EPN2: variants seen among roughly 807,000 people sequenced by gnomAD.
EPN2 encodes the protein epsin-2.
A neutral mutation model predicts 61.7 loss-of-function variants in EPN2; 34 were observed. That is an observed-to-expected ratio of 0.55 (90% CI 0.42 to 0.73). The LOEUF is 0.73. Ranked by LOEUF, EPN2 falls within the 30% of genes least tolerant of loss-of-function variation. The pLI is 0.00. For synonymous variants in EPN2, 349 were observed against 353.6 expected (o/e 0.99, Z 0.15); for missense variants, 714 against 839.2 (o/e 0.85, Z 1.84).
chr17:19,311,801 G>A (rs1296840229), intron 5 of EPN2, among the ~76,000 whole-genome samples: 2 of 152,342 alleles, frequency 1.3e-5, no homozygotes, highest in East Asian at 3.9e-4. Context: ...TCCCCAGTTT[G>A]GTGGTACCTG....
chr17:19,314,650 A>T (rs1325809893), intron 7 of EPN2, among the ~76,000 whole-genome samples: 1 of 152,116 alleles, frequency 6.6e-6, no homozygotes, highest in African/African-American at 2.4e-5. Flanking sequence ...AGGGCCTTAT[A>T]CCCCCTTTGG....
intron 4 of EPN2, among the ~76,000 whole-genome samples, chr17:19,288,750 G>A (rs544732361): frequency 6.6e-6 from 1 of 152,170 alleles, no homozygotes; most frequent in Admixed American, 6.5e-5. Context: ...CCATCCAGAC[G>A]GGTCCTTTTG....
intron 4 of EPN2, among the ~76,000 whole-genome samples, chr17:19,289,725 T>TTTTG (rs374906494): frequency 1.4e-4 from 3 of 21,984 alleles, no homozygotes; most frequent in Admixed American, 9.4e-4. Flanking sequence ...GCGCTCATGG[T>TTTTG]TTTTTTTTTT....
intron 4 of EPN2, chr17:19,296,892 A>T (rs1029394688): frequency 2.0e-5 from 3 of 152,286 alleles, no homozygotes; most frequent in Admixed American, 6.5e-5. Flanking sequence ...TACGGGACTG[A>T]GCCATCATGC....
chr17:19,312,823 G>T, intron 6 of EPN2: 1 of 388,908 alleles, frequency 2.6e-6, no homozygotes, highest in South Asian at 3.3e-5. Flanking sequence ...GAGGTCCACA[G>T]CCTGGGCAGA....
In EPN2 at chr17:19,331,831, CAT is replaced by C. The variant is rs1907168964; in HGVS notation, c.1412-19_1412-18del. On this transcript the variant is annotated intron_variant, in intron 9 of 10. Coordinates refer to ENST00000314728, the MANE Select transcript of EPN2 (RefSeq NM_014964.5). ...GCTCTCCCTGCCACACTCACCCTGC[CAT>C]ATGTGTCCTTGTCTTGTAGCCGAAT... 1 of 1,601,300 alleles carries C rather than the reference CAT, an allele frequency of 6.2e-7. No individual in the cohort carries two copies. The highest frequency in any genetic ancestry group is 2.2e-5 in the East Asian group (1 of 44,808).
chr17:19,327,639 T>C (rs1203234143), intron 7 of EPN2, among the ~76,000 whole-genome samples: 1 of 152,156 alleles, frequency 6.6e-6, no homozygotes, highest in Non-Finnish European at 1.5e-5. Context: ...ACCACTGCAC[T>C]CCAGTCTGGG....
At chr17:19,313,982 T>G (rs1906268013) in intron 7 of EPN2, among the ~76,000 whole-genome samples, 1 of 152,320 alleles carries the variant, frequency 6.6e-6, no homozygotes, top group Admixed American at 6.5e-5. Context: ...TAAACCCTAC[T>G]GGGCGTGGCT....
chr17:19,249,873 C>T (rs930743984), intron 1 of EPN2, among the ~76,000 whole-genome samples: 21 of 152,038 alleles, frequency 1.4e-4, no homozygotes, highest in African/African-American at 5.1e-4. Context: ...GGGGGGAACC[C>T]GTTTTCTCTG....
Position 19,278,227 on chromosome 17 carries a change from C to T in EPN2, c.-293-3728C>T, listed in dbSNP as rs139705228. Among the ~76,000 whole-genome samples, 29 of 152,226 alleles carry T rather than the reference C, an allele frequency of 1.9e-4. 1 individual carries two copies. Among genetic ancestry groups the T allele is most frequent in the African/African-American group, 6.5e-4 (27 of 41,546 alleles). On this transcript the variant is annotated intron_variant, in intron 1 of 10. Coordinates refer to ENST00000314728, the MANE Select transcript of EPN2 (RefSeq NM_014964.5). ...CTGAGCTCAAGTGATCTGCCCGCCT[C>T]GGCTTCCCAAAGTGCTGGGATTACA...
chr17:19,275,451 C>T (rs1345761164), intron 1 of EPN2, among the ~76,000 whole-genome samples: 1 of 152,220 alleles, frequency 6.6e-6, no homozygotes, highest in Non-Finnish European at 1.5e-5. Context: ...TGGCTTCTTG[C>T]TTTCTTCTGT....
chr17:19,291,508 G>A (rs2152221446), intron 4 of EPN2, among the ~76,000 whole-genome samples: 1 of 134,516 alleles, frequency 7.4e-6, no homozygotes, highest in Admixed American at 8.8e-5. Context: ...CGCTATCTTG[G>A]CTCACTGCAA....
intron 4 of EPN2, among the ~76,000 whole-genome samples, chr17:19,300,117 A>G (rs1156624643): frequency 6.6e-6 from 1 of 152,192 alleles, no homozygotes; most frequent in Admixed American, 6.5e-5. Context: ...CGTGGTGGGC[A>G]GGTCTATGCA....
chr17:19,324,083 A>T (rs1342573023), intron 7 of EPN2, among the ~76,000 whole-genome samples: 1 of 152,248 alleles, frequency 6.6e-6, no homozygotes, highest in African/African-American at 2.4e-5. Context: ...GCAATTGGAG[A>T]ATACACATTC....
chr17:19,237,519 C>G lies in EPN2; in HGVS notation c.-306C>G, dbSNP rs973449432. ...CCGCAGCGGCGCACCCACGCCGGCC[C>G]GGAGGAGCAGAGGTGAGCCACAGCC... is the stretch of plus-strand genomic sequence containing the variant. On this transcript the variant is annotated 5_prime_UTR_variant, in exon 1 of 11. Transcript: ENST00000314728. 2.3e-4 allele frequency: 35 copies of G among 152,424 alleles called. No individual in the cohort carries two copies. The highest frequency in any genetic ancestry group is 7.9e-4 in the African/African-American group (33 of 41,572). 9.4% of individuals were successfully genotyped at this position (152,424 alleles called of 1,614,324 possible).
At chr17:19,284,603 C>A (rs767114777) in intron 3 of EPN2, among the ~76,000 whole-genome samples, 1 of 152,170 alleles carries the variant, frequency 6.6e-6, no homozygotes, top group Non-Finnish European at 1.5e-5. Context: ...AAGTGCAGAT[C>A]CCTAGTAACA....
At chr17:19,319,682 C>T (rs1468042993) in intron 7 of EPN2, among the ~76,000 whole-genome samples, 1 of 149,736 alleles carries the variant, frequency 6.7e-6, no homozygotes, top group Non-Finnish European at 1.5e-5. Flanking sequence ...AGGTTTCCCT[C>T]TGTTGCCCAG....
chr17:19,241,356 G>A lies in EPN2; in HGVS notation c.-294+3825G>A, dbSNP rs143707020. Among the ~76,000 whole-genome samples, 336 of 152,206 alleles carry A rather than the reference G, an allele frequency of 2.2e-3. 2 individuals carry two copies. The highest frequency in any genetic ancestry group is 7.7e-3 in the African/African-American group (319 of 41,540). On this transcript the variant is annotated intron_variant, in intron 1 of 10. Transcript: ENST00000314728. ...TTCCAGCACTTTGGGAGGCCAAAGC[G>A]GCCGGATCACCCTGAGGTCAAGGGA...
chr17:19,285,553 C>T lies in EPN2; in HGVS notation c.596-67C>T. On this transcript the variant is annotated intron_variant, in intron 3 of 10. Coordinates refer to ENST00000314728, the MANE Select transcript of EPN2 (RefSeq NM_014964.5). This position sits in a 1 kb window ranked among gnomAD's most constrained non-coding sequence, Gnocchi z 4.5. Reference sequence around the variant, plus strand: ...GAGTGGCCTTGGCCCGTACCTCCTGCAGGGGCTGCTGCGCACCCTCTAATG... The same window carrying T: ...GAGTGGCCTTGGCCCGTACCTCCTGTAGGGGCTGCTGCGCACCCTCTAATG... 1 of 1,394,908 alleles carries T rather than the reference C, an allele frequency of 7.2e-7. No homozygotes were observed. Among genetic ancestry groups the T allele is most frequent in the Non-Finnish European group, 9.3e-7 (1 of 1,069,922 alleles). 86.4% of individuals were successfully genotyped at this position (1,394,908 alleles called of 1,614,324 possible). A position where few individuals can be genotyped will look rare whatever the true frequency, so the allele number is the denominator to read the frequency against.
Sources: gnomAD v4.1 joint callset for allele counts (sites outside exome capture counted in the v4.1 genomes callset) on GRCh38, gnomAD v4.1.1 for gene constraint, Gnocchi (gnomAD v3.1) non-coding constraint, MANE v1.5 for transcripts, NCBI Gene and HGNC (gene_info 2026-07-23, HGNC 2026-07-21) for gene names.